ANKRD44: variants seen among roughly 807,000 people sequenced by gnomAD.
ANKRD44 encodes serine/threonine-protein phosphatase 6 regulatory ankyrin repeat subunit B.
ANKRD44 carries 35 observed loss-of-function variants against 116.0 expected under a neutral mutation model. The observed-to-expected ratio is 0.30, with a 90% confidence interval of 0.23 to 0.40. ANKRD44 has a LOEUF of 0.40. Among genes scored for constraint, ANKRD44 ranks in the 10% least tolerant of loss-of-function variants. ANKRD44 has a pLI of 1.00. For missense variants in ANKRD44, 1,014 were observed against 1,242.6 expected, an observed-to-expected ratio of 0.82 and a Z score of 2.77; for synonymous variants, 435 against 461.8, an observed-to-expected ratio of 0.94 and a Z score of 0.74.
At chr2:196,975,408 C>A (rs2075749176) in intron 21 of ANKRD44, among the ~76,000 whole-genome samples, 1 of 152,152 alleles carries the variant, frequency 6.6e-6, no homozygotes, top group African/African-American at 2.4e-5. Context: ...TGATAAAAAT[C>A]TTTTTCAAAA....
chr2:197,001,029 C>T (rs2076104867), intron 22 of ANKRD44, among the ~76,000 whole-genome samples: 4 of 152,232 alleles, frequency 2.6e-5, no homozygotes, highest in Admixed American at 1.3e-4. Flanking sequence ...CAGAGCGAGA[C>T]TCCGTCTCAA....
intron 4 of ANKRD44, among the ~76,000 whole-genome samples, chr2:197,131,459 G>A (rs1411810767): frequency 1.3e-5 from 2 of 152,084 alleles, no homozygotes; most frequent in Non-Finnish European, 2.9e-5. Context: ...CCAAAGTGCT[G>A]GGATTACAGG....
intron 1 of ANKRD44, among the ~76,000 whole-genome samples, chr2:197,245,354 T>G (rs974384453): frequency 1.1e-4 from 16 of 152,160 alleles, no homozygotes; most frequent in African/African-American, 3.9e-4. Context: ...CTAGAGATGA[T>G]TTACAGTATA....
intron 2 of ANKRD44, among the ~76,000 whole-genome samples, chr2:197,163,025 T>G (rs1333153601): frequency 2.0e-5 from 3 of 152,136 alleles, no homozygotes; most frequent in African/African-American, 7.2e-5. Flanking sequence ...ATGGCTTGGT[T>G]TTTTTTGTGG....
intron 1 of ANKRD44, among the ~76,000 whole-genome samples, chr2:197,204,687 C>T (rs1170521188): frequency 6.6e-6 from 1 of 152,230 alleles, no homozygotes; most frequent in East Asian, 1.9e-4. Context: ...ATTTTTCAAA[C>T]ACCACAGGCC....
At chr2:197,161,845 T>C (rs546256600) in intron 2 of ANKRD44, among the ~76,000 whole-genome samples, 1 of 152,320 alleles carries the variant, frequency 6.6e-6, no homozygotes, top group East Asian at 1.9e-4. Flanking sequence ...CATCACCTCA[T>C]GTCTACTCTA....
At chr2:197,111,875 A>G (rs988723942) in intron 8 of ANKRD44, among the ~76,000 whole-genome samples, 2 of 152,178 alleles carry the variant, frequency 1.3e-5, no homozygotes, top group African/African-American at 4.8e-5. Context: ...AAGGCATGCA[A>G]CTGTTTAGGA....
chr2:197,244,260 C>T (rs1333479688), intron 1 of ANKRD44, among the ~76,000 whole-genome samples: 2 of 152,154 alleles, frequency 1.3e-5, no homozygotes, highest in African/African-American at 4.8e-5. Context: ...TTGGACAAGA[C>T]TCTATTAAGC....
chr2:196,970,034 G>A (rs2075704539), intron 21 of ANKRD44, among the ~76,000 whole-genome samples: 1 of 152,174 alleles, frequency 6.6e-6, no homozygotes. Context: ...GAGATAGGGG[G>A]ACTTTAAAAT....
intron 17 of ANKRD44, among the ~76,000 whole-genome samples, chr2:197,017,925 T>A (rs2076422126): frequency 6.6e-6 from 1 of 152,240 alleles, no homozygotes; most frequent in Non-Finnish European, 1.5e-5. Flanking sequence ...GGGAAGTGTC[T>A]GCTGAAAGCA....
intron 16 of ANKRD44, among the ~76,000 whole-genome samples, chr2:197,060,572 C>A (rs1446804953): frequency 6.6e-6 from 1 of 152,168 alleles, no homozygotes; most frequent in Non-Finnish European, 1.5e-5. Context: ...CAGCAAATTT[C>A]AAGAATACAA....
At chr2:197,251,876 C>T (rs887547145) in intron 1 of ANKRD44, among the ~76,000 whole-genome samples, 4 of 152,112 alleles carry the variant, frequency 2.6e-5, no homozygotes, top group Admixed American at 2.6e-4. Flanking sequence ...AATATGAAAA[C>T]GAAGGTTTCC....
chr2:197,088,632 T>C, intron 12 of ANKRD44, 79 bp downstream of exon 12: 2 of 906,374 alleles, frequency 2.2e-6, no homozygotes, highest in Admixed American at 6.2e-5. Context: ...AAATTGCCTT[T>C]GATTCACAGA....
chr2:197,208,943 T>C (rs905617622), intron 1 of ANKRD44, among the ~76,000 whole-genome samples: 4 of 152,240 alleles, frequency 2.6e-5, no homozygotes, highest in Non-Finnish European at 4.4e-5. Flanking sequence ...TCTGCCTCTC[T>C]CAGAACATAG....
chr2:197,183,974 C>G (rs781160083), intron 2 of ANKRD44, among the ~76,000 whole-genome samples: 11 of 152,194 alleles, frequency 7.2e-5, no homozygotes, highest in Non-Finnish European at 1.5e-4. Context: ...CGGATTTTTT[C>G]TTTCAAAACT....
chr2:197,131,066 A>C (rs901787476), intron 4 of ANKRD44, among the ~76,000 whole-genome samples: 2 of 152,198 alleles, frequency 1.3e-5, no homozygotes, highest in African/African-American at 4.8e-5. Context: ...GCTCCCTACT[A>C]ACTTTCTGAG....
chr2:197,137,357 A>G (rs571764821), intron 3 of ANKRD44, among the ~76,000 whole-genome samples: 31 of 152,326 alleles, frequency 2.0e-4, no homozygotes, highest in African/African-American at 5.8e-4. Context: ...CAGAGAGTGG[A>G]GAAACAAATC....
At chr2:197,062,680 C>A (rs748961809) in intron 16 of ANKRD44, among the ~76,000 whole-genome samples, 5 of 152,228 alleles carry the variant, frequency 3.3e-5, no homozygotes, top group Admixed American at 2.0e-4. Context: ...TATCCTGCAC[C>A]TGGCTCAGAA....
In ANKRD44 at chr2:197,000,518, G is replaced by A; in HGVS notation, c.2436-16C>T. ...ATCATTGATTCTAAAATGAAAATGG[G>A]TTTTAATGTAACAATCTCACTCTTT... On this transcript the variant is annotated splice_polypyrimidine_tract_variant and intron_variant, in intron 22 of 27. Coordinates refer to ENST00000282272, the MANE Select transcript of ANKRD44 (RefSeq NM_001195144.2). The A allele has an allele frequency of 6.2e-7, 1 of 1,603,280 alleles. No homozygotes were observed. The highest frequency in any genetic ancestry group is 1.7e-4 in the Middle Eastern group (1 of 6,038).
Sources: allele counts gnomAD v4.1 joint callset (sites outside exome capture counted in the v4.1 genomes callset), GRCh38; gene constraint gnomAD v4.1.1; transcripts MANE v1.5; gene names NCBI Gene and HGNC (gene_info 2026-07-23, HGNC 2026-07-21).